CDC20B: variants seen among roughly 807,000 people sequenced by gnomAD.
CDC20B encodes the protein cell division cycle protein 20 homolog B.
In CDC20B, 58 loss-of-function variants were observed where a neutral mutation model predicts 64.1. That is an observed-to-expected ratio of 0.90 (90% confidence interval 0.73 to 1.13). The LOEUF (loss-of-function observed/expected upper bound fraction) is 1.13, where lower values mean the gene tolerates loss of function less well. Among genes scored for constraint, CDC20B ranks in the 50% most tolerant of loss-of-function variants. The pLI is 0.00. For missense variants in CDC20B, 597 were observed against 633.0 expected (o/e 0.94, Z 0.61); for synonymous variants, 243 against 230.6 (o/e 1.05, Z -0.49).
In CDC20B at chr5:55,154,327, C is replaced by A. The variant is rs568808423; in HGVS notation, c.127-7471G>T. Among the ~76,000 whole-genome samples the A allele has an allele frequency of 2.0e-5, 3 of 152,208 alleles. No homozygotes were observed. In the South Asian group the frequency reaches 6.2e-4, roughly 32 times the overall value. ...TTGAGGCCAGGAGTTCCAGACCAGGCTGGGCAAGTGAGACCCCATCTCTAA... is the reference window on the plus strand; with the variant it reads ...TTGAGGCCAGGAGTTCCAGACCAGGATGGGCAAGTGAGACCCCATCTCTAA... On this transcript the variant is annotated intron_variant, in intron 2 of 11. Transcript: ENST00000381375.
At chr5:55,164,752 A>G (rs1744290473) in intron 2 of CDC20B, 1 of 152,258 alleles carries the variant, frequency 6.6e-6, no homozygotes. Context: ...ACATAGATTC[A>G]AATCCTTATA....
In CDC20B at chr5:55,140,298, T is replaced by C. The variant is rs747859674; in HGVS notation, c.580+16A>G. On this transcript the variant is annotated intron_variant, in intron 5 of 11. Coordinates refer to ENST00000381375, the MANE Select transcript of CDC20B (RefSeq NM_001170402.1). ...AGAGGAGCGCAGGAAAGAAGGACAA[T>C]GTCTTGATCCTGTACCTTTCCAAAC... 9 of 1,534,828 alleles carry C rather than the reference T, an allele frequency of 5.9e-6. No individual in the cohort carries two copies. Among genetic ancestry groups the C allele is most frequent in the Non-Finnish European group, 8.0e-6 (9 of 1,127,748 alleles).
At chr5:55,132,244 G>A (rs529493653) in intron 6 of CDC20B, among the ~76,000 whole-genome samples, 84 of 152,242 alleles carry the variant, frequency 5.5e-4, no homozygotes, top group African/African-American at 1.9e-3. Context: ...TCCCTTCAGG[G>A]ATTTTTCTTT....
intron 6 of CDC20B, among the ~76,000 whole-genome samples, chr5:55,131,775 G>T (rs540956392): frequency 2.0e-5 from 3 of 152,102 alleles, no homozygotes; most frequent in Non-Finnish European, 4.4e-5. Flanking sequence ...AAAGAAAGAG[G>T]GCTGTGCGTC....
chr5:55,141,583 C>T (rs967703564), intron 4 of CDC20B, among the ~76,000 whole-genome samples: 28 of 152,186 alleles, frequency 1.8e-4, no homozygotes, highest in African/African-American at 6.3e-4. Flanking sequence ...AAACATCCTA[C>T]CTCGGCCTAT....
At chr5:55,141,909 T>C (rs1200388161) in intron 4 of CDC20B, among the ~76,000 whole-genome samples, 1 of 152,158 alleles carries the variant, frequency 6.6e-6, no homozygotes, top group Admixed American at 6.5e-5. Flanking sequence ...AACAATGAAA[T>C]GTCTTTAGAT....
intron 6 of CDC20B, among the ~76,000 whole-genome samples, 176 bp from the exon 7 acceptor site, chr5:55,128,793 T>C (rs1299326972): frequency 6.6e-6 from 1 of 152,112 alleles, no homozygotes; most frequent in East Asian, 1.9e-4. Context: ...TGGAATAGAA[T>C]CTAGTGTCAA....
At chr5:55,120,670 CCTG>C in intron 9 of CDC20B, 120 bp from the exon 10 acceptor site, 2 of 1,203,646 alleles carry the variant, frequency 1.7e-6, no homozygotes, top group Admixed American at 2.3e-5. Context: ...CTCTCCTGGG[CCTG>C]CTATCTAAAG....
intron 2 of CDC20B, chr5:55,164,935 C>T (rs772943677): frequency 6.6e-6 from 1 of 152,078 alleles, no homozygotes; most frequent in Non-Finnish European, 1.5e-5. Context: ...TTTCTCTCTG[C>T]ATTATTTTTT....
chr5:55,172,857 G>A, intron 1 of CDC20B, 81 bp downstream of exon 1: 3 of 1,342,244 alleles, frequency 2.2e-6, no homozygotes, highest in Non-Finnish European at 3.0e-6. Context: ...ACCACCTCTT[G>A]GTCCTAAACA....
chr5:55,148,939 A>AC (rs1580356039), intron 2 of CDC20B, among the ~76,000 whole-genome samples: 2 of 152,250 alleles, frequency 1.3e-5, no homozygotes, highest in Admixed American at 6.5e-5. Context: ...GCGATGCCAC[A>AC]CCTGAGGCTC....
At chr5:55,155,171 A>G (rs1406096146) in intron 2 of CDC20B, among the ~76,000 whole-genome samples, 1 of 152,208 alleles carries the variant, frequency 6.6e-6, no homozygotes, top group African/African-American at 2.4e-5. Context: ...GTTTACCTGT[A>G]GAGTTCACAT....
intron 2 of CDC20B, among the ~76,000 whole-genome samples, chr5:55,151,717 C>T (rs1197456700): frequency 6.6e-6 from 1 of 152,118 alleles, no homozygotes; most frequent in African/African-American, 2.4e-5. Context: ...GATGTTCATC[C>T]CCAGTTTTCT....
At chr5:55,116,961 G>A (rs541572955) in intron 11 of CDC20B, among the ~76,000 whole-genome samples, 48 of 152,254 alleles carry the variant, frequency 3.2e-4, no homozygotes, top group Middle Eastern at 3.4e-3. Flanking sequence ...GGGAAATGTC[G>A]TCTTTATCTC....
intron 4 of CDC20B, among the ~76,000 whole-genome samples, chr5:55,141,943 T>C (rs1743341057): frequency 6.6e-6 from 1 of 152,106 alleles, no homozygotes; most frequent in South Asian, 2.1e-4. Flanking sequence ...CCTTGGTGAG[T>C]AAAATCACCC....
intron 6 of CDC20B, among the ~76,000 whole-genome samples, chr5:55,130,713 A>C (rs1448654581): frequency 6.6e-6 from 1 of 152,204 alleles, no homozygotes; most frequent in African/African-American, 2.4e-5. Context: ...AGAACACTGA[A>C]ATTGGTAAAT....
intron 4 of CDC20B, among the ~76,000 whole-genome samples, chr5:55,142,437 A>G (rs1247510749): frequency 1.3e-5 from 2 of 152,170 alleles, no homozygotes; most frequent in African/African-American, 4.8e-5. Flanking sequence ...TGGTATAACA[A>G]TTGCTAAGGA....
chr5:55,138,933 A>G (rs142620160), intron 5 of CDC20B, among the ~76,000 whole-genome samples: 16 of 151,032 alleles, frequency 1.1e-4, no homozygotes, highest in African/African-American at 3.9e-4. Context: ...TTTCATAAAG[A>G]AGGAAAAAAT....
chr5:55,138,165 T>TAA (rs33958487), intron 5 of CDC20B, among the ~76,000 whole-genome samples: 79,842 of 141,362 alleles, frequency 0.56, 22,761 homozygotes, highest in Middle Eastern at 0.63. Context: ...GATTTTGAGT[T>TAA]AAAAAAAAAA....
Sources: allele counts gnomAD v4.1 joint callset (sites outside exome capture counted in the v4.1 genomes callset), GRCh38; gene constraint gnomAD v4.1.1; transcripts MANE v1.5; gene names NCBI Gene and HGNC (gene_info 2026-07-23, HGNC 2026-07-21).